FAM171B: variants seen among roughly 807,000 people sequenced by gnomAD.
FAM171B encodes protein FAM171B.
FAM171B carries 19 observed loss-of-function variants against 75.6 expected under a neutral mutation model. The observed-to-expected ratio is 0.25, with a 90% CI of 0.18 to 0.37. The LOEUF is 0.37. Among genes scored for constraint, FAM171B ranks in the 10% least tolerant of loss-of-function variants. The pLI is 1.00. For synonymous variants in FAM171B, 367 were observed against 361.7 expected (o/e 1.01, Z -0.17); for missense variants, 848 against 982.4 (o/e 0.86, Z 1.83).
chr2:186,737,930 G>A (rs890227478), intron 1 of FAM171B, among the ~76,000 whole-genome samples: 3 of 152,230 alleles, frequency 2.0e-5, no homozygotes, highest in African/African-American at 7.2e-5. Flanking sequence ...CCAGCAGGCT[G>A]TGCTCGGCTC....
intron 1 of FAM171B, among the ~76,000 whole-genome samples, chr2:186,697,289 G>T (rs540811701): frequency 5.3e-5 from 8 of 151,876 alleles, no homozygotes; most frequent in East Asian, 3.9e-4. Context: ...AGAATTTGGG[G>T]TTTTTTTTGA....
At chr2:186,708,038 G>A (rs2105773450) in intron 1 of FAM171B, among the ~76,000 whole-genome samples, 1 of 151,828 alleles carries the variant, frequency 6.6e-6, no homozygotes, top group Non-Finnish European at 1.5e-5. Context: ...TTTGCTTGGG[G>A]CTATATCCCT....
intron 1 of FAM171B, among the ~76,000 whole-genome samples, chr2:186,708,441 T>A (rs1225284644): frequency 2.6e-5 from 4 of 152,054 alleles, no homozygotes; most frequent in African/African-American, 9.7e-5. Flanking sequence ...ATAAAATACA[T>A]CATCATTGCT....
chr2:186,711,769 G>A (rs762981238), intron 1 of FAM171B, among the ~76,000 whole-genome samples: 6 of 152,132 alleles, frequency 3.9e-5, no homozygotes, highest in South Asian at 2.1e-4. Context: ...TTTTAAATCT[G>A]TTGACACTTT....
intron 1 of FAM171B, among the ~76,000 whole-genome samples, chr2:186,697,222 C>A (rs149560915): frequency 1.0e-3 from 154 of 152,152 alleles, no homozygotes; most frequent in African/African-American, 3.5e-3. Context: ...TTATCTTATG[C>A]TGACTACAGA....
intron 1 of FAM171B, among the ~76,000 whole-genome samples, chr2:186,715,741 T>C (rs1574099968): frequency 6.6e-6 from 1 of 152,200 alleles, no homozygotes; most frequent in East Asian, 1.9e-4. Context: ...TGGAAAGTAA[T>C]AGAAATTTTC....
At chr2:186,753,043 G>A (rs951514481) in intron 5 of FAM171B, among the ~76,000 whole-genome samples, 2 of 152,138 alleles carry the variant, frequency 1.3e-5, no homozygotes, top group Admixed American at 1.3e-4. Context: ...CCATAAAACA[G>A]TATATTTAAT....
intron 1 of FAM171B, among the ~76,000 whole-genome samples, chr2:186,732,521 C>T (rs903074913): frequency 1.1e-4 from 16 of 152,138 alleles, no homozygotes; most frequent in African/African-American, 3.9e-4. Context: ...AGTTTTAGAG[C>T]AGGCATGAAA....
At chr2:186,747,327 A>G (rs1234742542) in intron 4 of FAM171B, 77 bp downstream of exon 4, 1 of 876,022 alleles carries the variant, frequency 1.1e-6, no homozygotes, top group Non-Finnish European at 1.6e-6. Flanking sequence ...TTAGCTATCT[A>G]TAATAGCTTA....
intron 6 of FAM171B, among the ~76,000 whole-genome samples, chr2:186,758,568 A>C (rs1037807567): frequency 6.6e-6 from 1 of 152,150 alleles, no homozygotes; most frequent in African/African-American, 2.4e-5. Flanking sequence ...TGATACTGAT[A>C]AGTAGATTTA....
Position 186,761,550 on chromosome 2 carries a change from C to A in FAM171B, c.1208C>A (p.Thr403Lys). The A allele has an allele frequency of 6.2e-7, 1 of 1,607,286 alleles. No individual in the cohort carries two copies. The highest frequency in any genetic ancestry group is 8.5e-7 in the Non-Finnish European group (1 of 1,178,096). ...TKLEVLKRDQ[T>K]TSTTHINHIS... is the part of the protein sequence containing the mutation. ...CTTGAGGTCCTCAAGAGAGACCAGA[C>A]AACTTCAACAACACACATAAATCAT... The change falls in exon 8 of 8, where the codon ACA (threonine) becomes AAA (lysine). Residue 403 changes from threonine to lysine, a missense_variant. Around this residue, in one of 3 missense-constraint regions of FAM171B, gnomAD observed 665 missense variants for 729.0 expected, o/e 0.91. Coordinates refer to ENST00000304698, the MANE Select transcript of FAM171B (RefSeq NM_177454.4).
chr2:186,723,808 G>A (rs1033332781), intron 1 of FAM171B, among the ~76,000 whole-genome samples: 7 of 152,116 alleles, frequency 4.6e-5, no homozygotes, highest in Non-Finnish European at 8.8e-5. Flanking sequence ...CTTCAAGGCC[G>A]TCTACCTCAT....
At chr2:186,756,756 C>T (rs1412659835) in intron 6 of FAM171B, among the ~76,000 whole-genome samples, 3 of 152,150 alleles carry the variant, frequency 2.0e-5, no homozygotes, top group Non-Finnish European at 4.4e-5. Flanking sequence ...ATTTCAGGTG[C>T]CCATTGCAAG....
At chr2:186,752,037 T>C (rs1243606953) in intron 5 of FAM171B, among the ~76,000 whole-genome samples, 1 of 152,200 alleles carries the variant, frequency 6.6e-6, no homozygotes, top group African/African-American at 2.4e-5. Flanking sequence ...CTTTCTAGGA[T>C]GGGATTTCCC....
intron 1 of FAM171B, among the ~76,000 whole-genome samples, chr2:186,722,883 T>C (rs1312992853): frequency 1.3e-5 from 2 of 152,220 alleles, no homozygotes; most frequent in African/African-American, 2.4e-5. Flanking sequence ...AATCACACTT[T>C]ACAATTATTT....
chr2:186,720,700 C>CAAAAAAAAAAAAAAAA (rs71411184), intron 1 of FAM171B, among the ~76,000 whole-genome samples: 2 of 110,244 alleles, frequency 1.8e-5, no homozygotes, highest in Non-Finnish European at 1.8e-5. Context: ...AGATCATGTA[C>CAAAAAAAAAAAAAAAA]AAAAAAAAAA....
chr2:186,709,648 G>T (rs903882577), intron 1 of FAM171B, among the ~76,000 whole-genome samples: 1 of 152,132 alleles, frequency 6.6e-6, no homozygotes, highest in Non-Finnish European at 1.5e-5. Flanking sequence ...ATACAACACA[G>T]ACCAGTTGTG....
Position 186,763,445 on chromosome 2 carries a change from C to T in FAM171B, c.*622C>T, listed in dbSNP as rs1487561244. The T allele has an allele frequency of 6.6e-6, 1 of 152,070 alleles. No homozygotes were observed. Among genetic ancestry groups the T allele is most frequent in the African/African-American group, 2.4e-5 (1 of 41,420 alleles). The allele number at this position is 152,070 out of a possible 1,614,324, so 9.4% of individuals were successfully genotyped here. Reference sequence around the variant, plus strand: ...TGGTCATTAGAGAGGGAGACACCAGCTCTTTGGTTGTTTTTGGATATAACT... The same window carrying T: ...TGGTCATTAGAGAGGGAGACACCAGTTCTTTGGTTGTTTTTGGATATAACT... On this transcript the variant is annotated 3_prime_UTR_variant, in exon 8 of 8. Coordinates refer to ENST00000304698, the MANE Select transcript of FAM171B (RefSeq NM_177454.4).
chr2:186,761,891 G>C lies in FAM171B; in HGVS notation c.1549G>C (p.Gly517Arg). The C allele has an allele frequency of 6.8e-6, 11 of 1,613,136 alleles. No homozygotes were observed. The highest frequency in any genetic ancestry group is 9.3e-6 in the Non-Finnish European group (11 of 1,179,724). The change falls in exon 8 of 8, where the codon GGT becomes CGT. Residue 517 changes from glycine (G) to arginine (R), a missense_variant. Gly to Arg is a moderately radical substitution (Grantham distance 125). Coordinates refer to ENST00000304698, the MANE Select transcript of FAM171B (RefSeq NM_177454.4). Reference sequence around the variant, plus strand: ...TCAAGATGAAAAGAGGTATCTCACAGGTAATGAGGAGGCGTATGGGCGTTC... The same window carrying C: ...TCAAGATGAAAAGAGGTATCTCACACGTAATGAGGAGGCGTATGGGCGTTC... ...DAQDEKRYLT[G>R]NEEAYGRSHI...
Sources: allele counts gnomAD v4.1 joint callset (sites outside exome capture counted in the v4.1 genomes callset), GRCh38; gene constraint gnomAD v4.1.1; regional missense constraint gnomAD v4.1.1; transcripts MANE v1.5; gene names NCBI Gene and HGNC (gene_info 2026-07-23, HGNC 2026-07-21).